The following ZNF609 variants were observed in gnomAD, a reference collection of about 807,000 sequenced individuals.
ZNF609 encodes zinc finger protein 609.
A neutral mutation model predicts 109.5 loss-of-function variants in ZNF609; 11 were observed. The observed-to-expected ratio is 0.10, with a 90% CI of 0.06 to 0.17. The LOEUF (loss-of-function observed/expected upper bound fraction) is 0.17, where lower values mean the gene tolerates loss of function less well. Among genes scored for constraint, ZNF609 ranks in the 10% least tolerant of loss-of-function variants. The pLI is 1.00. For missense variants in ZNF609, 1,559 were observed against 1,772.4 expected, an observed-to-expected ratio of 0.88 and a Z score of 2.16; for synonymous variants, 646 against 662.0, an observed-to-expected ratio of 0.98 and a Z score of 0.37.
chr15:64,609,120 CTTTCTTTCTT>C (rs796578311), intron 2 of ZNF609, among the ~76,000 whole-genome samples: 2,032 of 29,878 alleles, frequency 0.068, 55 homozygotes, highest in Non-Finnish European at 0.11. Context: ...TTCTTTCTTT[CTTTCTTTCTT>C]TTTTTCTTTC....
intron 1 of ZNF609, among the ~76,000 whole-genome samples, chr15:64,487,638 TA>T (rs1338811363): frequency 1.3e-5 from 2 of 152,040 alleles, no homozygotes; most frequent in Non-Finnish European, 2.9e-5. Context: ...TTTTTTGTTT[TA>T]ATTTTTTTTT....
chr15:64,582,749 CTTTTTTTTTTTT>C (rs34273764), intron 2 of ZNF609, among the ~76,000 whole-genome samples: 1 of 55,868 alleles, frequency 1.8e-5, no homozygotes, highest in African/African-American at 8.6e-5. Flanking sequence ...GAGACAGAGT[CTTTTTTTTTTTT>C]TTTTTTTTGA....
chr15:64,539,192 T>G (rs1157567257), intron 2 of ZNF609, among the ~76,000 whole-genome samples: 1 of 147,230 alleles, frequency 6.8e-6, no homozygotes, highest in Non-Finnish European at 1.5e-5. Context: ...ATTTATTTAT[T>G]TATTTATTTA....
rs200425813 is a variant in ZNF609, at chr15:64,630,091, C to CTTTTTT, written c.973+7040_973+7045dup. Among the ~76,000 whole-genome samples the CTTTTTT allele has an allele frequency of 4.1e-3, 580 of 142,934 alleles. 14 individuals are homozygous for CTTTTTT. Among genetic ancestry groups the CTTTTTT allele is most frequent in the South Asian group, 9.4e-3 (43 of 4,582 alleles). 93.8% of individuals were successfully genotyped at this position (142,934 alleles called of 152,430 possible). A position where few individuals can be genotyped will look rare whatever the true frequency, so the allele number is the denominator to read the frequency against. On this transcript the variant is annotated intron_variant, in intron 3 of 9. Transcript: ENST00000326648. ...CCTACATTACCATCCTCCTAATTTTCTTTTTTCTTTTTTTTTTTTTTTTTG... is the reference window on the plus strand; with the variant it reads ...CCTACATTACCATCCTCCTAATTTTCTTTTTTTTTTTTCTTTTTTTTTTTTTTTTTG...
At chr15:64,543,255 CTTTTTTTTT>C (rs77646116) in intron 2 of ZNF609, among the ~76,000 whole-genome samples, 20 of 113,300 alleles carry the variant, frequency 1.8e-4, no homozygotes, top group African/African-American at 6.2e-4. Context: ...TTTGTTGTTG[CTTTTTTTTT>C]TTTTTTTTTT....
At chr15:64,602,865 G>T (rs2140949853) in intron 2 of ZNF609, among the ~76,000 whole-genome samples, 1 of 146,198 alleles carries the variant, frequency 6.8e-6, no homozygotes, top group South Asian at 2.2e-4. Flanking sequence ...TGGGACTACA[G>T]GTGCCTGCCA....
intron 2 of ZNF609, among the ~76,000 whole-genome samples, chr15:64,614,968 G>A (rs551795480): frequency 2.0e-4 from 31 of 151,580 alleles, no homozygotes; most frequent in African/African-American, 7.5e-4. Flanking sequence ...GCAGGCACCC[G>A]CCACCACACC....
intron 2 of ZNF609, among the ~76,000 whole-genome samples, chr15:64,583,691 C>T (rs1895148715): frequency 1.3e-5 from 2 of 152,260 alleles, no homozygotes; most frequent in African/African-American, 4.8e-5. Flanking sequence ...CCAGCCTGTC[C>T]AACATATTCT....
At chr15:64,543,255 C>CTTTTTTTTTTTTTTTTTT (rs77646116) in intron 2 of ZNF609, among the ~76,000 whole-genome samples, 2 of 113,314 alleles carry the variant, frequency 1.8e-5, no homozygotes, top group African/African-American at 3.4e-5. Flanking sequence ...TTTGTTGTTG[C>CTTTTTTTTTTTTTTTTTT]TTTTTTTTTT....
In ZNF609 at chr15:64,675,064, C is replaced by T. The variant is rs770690372; in HGVS notation, c.2210C>T (p.Ser737Phe). Reference sequence around the variant, plus strand: ...AAGAAAGACAAAAAAAAGAAGGAATCTTCAAAGGAACTTGAAAGTCCTCTG... The same window carrying T: ...AAGAAAGACAAAAAAAAGAAGGAATTTTCAAAGGAACTTGAAAGTCCTCTG... The part of the protein sequence containing the change: ...KKKKDKKKKE[S>F]SKELESPLTP... Residue 737 changes from serine to phenylalanine, a missense_variant, in exon 5 of 10, where the codon TCT (serine) becomes TTT (phenylalanine). By Grantham distance (155) the Ser-to-Phe change is radical. Coordinates refer to ENST00000326648, the MANE Select transcript of ZNF609 (RefSeq NM_015042.2). 6.2e-7 allele frequency: 1 copy of T among 1,614,182 alleles called. No homozygotes were observed. Among genetic ancestry groups the T allele is most frequent in the Non-Finnish European group, 8.5e-7 (1 of 1,180,044 alleles).
At chr15:64,549,402 A>G (rs1199794517) in intron 2 of ZNF609, among the ~76,000 whole-genome samples, 2 of 152,098 alleles carry the variant, frequency 1.3e-5, no homozygotes, top group Non-Finnish European at 2.9e-5. Context: ...ACCATGTTTC[A>G]ACAGCTAGGC....
At position 64,605,902 on chromosome 15, in the gene ZNF609, C is replaced by CT. The variant is rs10542161; in HGVS notation, c.748-16899dup. Among the ~76,000 whole-genome samples the CT allele has an allele frequency of 4.6e-3, 322 of 70,692 alleles. 19 individuals carry two copies. The highest frequency in any genetic ancestry group is 0.024 in the Middle Eastern group (2 of 82). 46.4% of individuals were successfully genotyped at this position (70,692 alleles called of 152,430 possible). On this transcript the variant is annotated intron_variant, in intron 2 of 9. Coordinates refer to ENST00000326648, the MANE Select transcript of ZNF609 (RefSeq NM_015042.2). ...GCGCCTGCCACCACGCCCGGCTAAT[C>CT]TTTTTTTTTTTTTTTTTTTTTTTTT... is the stretch of plus-strand genomic sequence containing the variant.
chr15:64,672,206 G>C (rs1896741038), intron 4 of ZNF609, among the ~76,000 whole-genome samples: 2 of 149,458 alleles, frequency 1.3e-5, no homozygotes, highest in African/African-American at 4.9e-5. Context: ...TAGAGACGGG[G>C]TTTCACCGTT....
At chr15:64,603,703 C>T (rs1895544210) in intron 2 of ZNF609, among the ~76,000 whole-genome samples, 1 of 151,776 alleles carries the variant, frequency 6.6e-6, no homozygotes, top group South Asian at 2.1e-4. Flanking sequence ...GAATTTATCC[C>T]TTAAGATTTA....
intron 1 of ZNF609, among the ~76,000 whole-genome samples, chr15:64,473,422 C>T (rs1893121042): frequency 1.3e-5 from 2 of 151,872 alleles, no homozygotes; most frequent in African/African-American, 4.8e-5. Context: ...TGGTCTCGAA[C>T]TGCTGACCTC....
intron 2 of ZNF609, among the ~76,000 whole-genome samples, chr15:64,598,334 T>C (rs1895432552): frequency 6.6e-6 from 1 of 152,122 alleles, no homozygotes; most frequent in Non-Finnish European, 1.5e-5. Context: ...CATGCTGGTC[T>C]CAGACTCCTG....
chr15:64,506,289 A>G (rs913795902), intron 2 of ZNF609, among the ~76,000 whole-genome samples: 5 of 150,990 alleles, frequency 3.3e-5, no homozygotes, highest in African/African-American at 1.2e-4. Context: ...TGCCTGGCTA[A>G]TTTTTGTATT....
Position 64,675,754 on chromosome 15 carries a change from T to G in ZNF609, c.2900T>G (p.Met967Arg). 3 of 1,614,190 alleles carry G rather than the reference T, an allele frequency of 1.9e-6. No homozygotes were observed. The highest frequency in any genetic ancestry group is 2.5e-6 in the Non-Finnish European group (3 of 1,180,048). The change falls in exon 5 of 10, where the codon ATG becomes AGG. Residue 967 changes from methionine to arginine, a missense_variant. This residue lies in a region of ZNF609 where 1,204 missense variants were observed against 1,314.1 expected (regional missense o/e 0.92). Transcript: ENST00000326648. ...QPSVIQQRPN[M>R]YMQSLYYNQY... ...TCGGTCATCCAGCAGCGTCCCAATA[T>G]GTACATGCAGTCCCTGTACTACAAC...
intron 3 of ZNF609, 123 bp from the exon 4 acceptor site, chr15:64,670,223 C>G: frequency 1.4e-6 from 1 of 739,688 alleles, no homozygotes; most frequent in Non-Finnish European, 2.4e-6. Flanking sequence ...CCTATTTGTC[C>G]CATTGGTACC....
Sources: allele counts gnomAD v4.1 joint callset (sites outside exome capture counted in the v4.1 genomes callset), GRCh38; gene constraint gnomAD v4.1.1; regional missense constraint gnomAD v4.1.1; transcripts MANE v1.5; gene names NCBI Gene and HGNC (gene_info 2026-07-23, HGNC 2026-07-21).